The following GALNT17 variants were observed in gnomAD, a reference collection of about 807,000 sequenced individuals.
GALNT17 encodes the protein UDP-GalNAc:polypeptide N-acetylgalactosaminyltransferase-like 3.
In GALNT17, 29 loss-of-function variants were observed where a neutral mutation model predicts 63.7. That is an observed-to-expected ratio of 0.46 (90% CI 0.34 to 0.62). The LOEUF (loss-of-function observed/expected upper bound fraction) is 0.62, where lower values mean the gene tolerates loss of function less well. GALNT17 is among the 20% of genes least tolerant of loss of function. GALNT17 has a pLI of 0.01. For missense variants in GALNT17, 603 were observed against 799.6 expected, an observed-to-expected ratio of 0.75 and a Z score of 2.97; for synonymous variants, 305 against 318.3, an observed-to-expected ratio of 0.96 and a Z score of 0.45.
At chr7:71,406,838 C>CTTCAGCT (rs1316874192) in intron 3 of GALNT17, among the ~76,000 whole-genome samples, 3 of 151,760 alleles carry the variant, frequency 2.0e-5, no homozygotes, top group Non-Finnish European at 4.4e-5. Flanking sequence ...TGGGCTCCCA[C>CTTCAGCT]TTCAGCTTCC....
chr7:71,384,179 G>A (rs1262443308), intron 2 of GALNT17, among the ~76,000 whole-genome samples: 2 of 152,062 alleles, frequency 1.3e-5, no homozygotes, highest in Non-Finnish European at 2.9e-5. Context: ...TGGATGTGAC[G>A]TGGTATCTCA....
chr7:71,573,348 TGAGAAG>T, intron 6 of GALNT17, among the ~76,000 whole-genome samples: 1 of 151,768 alleles, frequency 6.6e-6, no homozygotes, highest in Non-Finnish European at 1.5e-5. Flanking sequence ...ATTTATTTTT[TGAGAAG>T]TAGTCTTGCT....
At chr7:71,651,809 T>A (rs1226555333) in intron 6 of GALNT17, among the ~76,000 whole-genome samples, 1 of 152,160 alleles carries the variant, frequency 6.6e-6, no homozygotes, top group Non-Finnish European at 1.5e-5. Flanking sequence ...TCCCCGGGGT[T>A]CAAGTGATCC....
chr7:71,602,631 G>A (rs1789982733), intron 6 of GALNT17, among the ~76,000 whole-genome samples: 1 of 152,190 alleles, frequency 6.6e-6, no homozygotes, highest in Non-Finnish European at 1.5e-5. Context: ...GGGATACACA[G>A]GGCCTGTAGC....
chr7:71,199,052 A>C (rs10260271), intron 1 of GALNT17, among the ~76,000 whole-genome samples: 8 of 152,014 alleles, frequency 5.3e-5, no homozygotes, highest in African/African-American at 1.9e-4. Flanking sequence ...GAGAACCTCT[A>C]TGTGGCCGCG....
chr7:71,477,469 T>G (rs1787743698), intron 5 of GALNT17, among the ~76,000 whole-genome samples: 2 of 152,184 alleles, frequency 1.3e-5, no homozygotes, highest in Non-Finnish European at 2.9e-5. Flanking sequence ...CTTCAGCAGT[T>G]GAGGAGACGC....
chr7:71,641,053 A>T (rs1790596246), intron 6 of GALNT17, among the ~76,000 whole-genome samples: 2 of 152,146 alleles, frequency 1.3e-5, no homozygotes, highest in African/African-American at 4.8e-5. Flanking sequence ...ATAGACATGG[A>T]TGTTTATCAG....
chr7:71,469,225 TA>T, intron 5 of GALNT17, among the ~76,000 whole-genome samples: 1 of 152,198 alleles, frequency 6.6e-6, no homozygotes, highest in East Asian at 1.9e-4. Flanking sequence ...AAGGGATAGG[TA>T]ATGGTGTAAA....
At chr7:71,375,250 C>T (rs1583900739) in intron 2 of GALNT17, among the ~76,000 whole-genome samples, 1 of 152,214 alleles carries the variant, frequency 6.6e-6, no homozygotes, top group African/African-American at 2.4e-5. Flanking sequence ...AGTAAAAACA[C>T]AAGCTTGCAG....
At chr7:71,309,973 GTTCTCGTGATAGCGAATAAGTCTC>G (rs1336458938) in intron 1 of GALNT17, among the ~76,000 whole-genome samples, 1 of 152,116 alleles carries the variant, frequency 6.6e-6, no homozygotes, top group Non-Finnish European at 1.5e-5. Context: ...TTCCCATGCT[GTTCTCGTGATAGCGAATAAGTCTC>G]ACAAGATCTG....
At chr7:71,449,043 A>C (rs146725503) in intron 5 of GALNT17, among the ~76,000 whole-genome samples, 1,557 of 146,786 alleles carry the variant, frequency 0.011, 15 homozygotes, top group Non-Finnish European at 0.016. Context: ...AAACTTGTGT[A>C]CTTCTCTATG....
rs547322883 is a variant in GALNT17, at chr7:71,387,288, T to G, written c.423-947T>G. Among the ~76,000 whole-genome samples the G allele has an allele frequency of 4.1e-5, 6 of 147,166 alleles. No individual in the cohort carries two copies. In the East Asian group the frequency reaches 7.0e-4, roughly 17 times the overall value. On this transcript the variant is annotated intron_variant, in intron 2 of 10. Transcript: ENST00000333538. ...GTAATGGCAAAACCCGCAATTACTTTTGCACCAACCTAATACATCAGTTCC... is the reference window on the plus strand; with the variant it reads ...GTAATGGCAAAACCCGCAATTACTTGTGCACCAACCTAATACATCAGTTCC...
At chr7:71,514,817 G>A (rs771137780) in intron 5 of GALNT17, among the ~76,000 whole-genome samples, 28 of 152,174 alleles carry the variant, frequency 1.8e-4, no homozygotes, top group Non-Finnish European at 2.8e-4. Flanking sequence ...CTGACCACCT[G>A]ATATGGTTTG....
At chr7:71,701,603 T>C (rs886825069) in intron 9 of GALNT17, among the ~76,000 whole-genome samples, 4 of 150,532 alleles carry the variant, frequency 2.7e-5, no homozygotes, top group African/African-American at 9.8e-5. Context: ...GAAAAAGGAG[T>C]CATCCTATCA....
At chr7:71,515,394 T>C (rs1788428662) in intron 5 of GALNT17, among the ~76,000 whole-genome samples, 2 of 152,208 alleles carry the variant, frequency 1.3e-5, no homozygotes, top group South Asian at 4.1e-4. Flanking sequence ...ATTACTAGTC[T>C]TGTACTGAAG....
At chr7:71,262,175 G>A (rs1184641772) in intron 1 of GALNT17, among the ~76,000 whole-genome samples, 2 of 152,086 alleles carry the variant, frequency 1.3e-5, no homozygotes, top group African/African-American at 4.8e-5. Flanking sequence ...GCAGTGGTGC[G>A]ATCATAGCTC....
intron 1 of GALNT17, among the ~76,000 whole-genome samples, chr7:71,307,188 T>C (rs1329530055): frequency 1.3e-5 from 2 of 152,112 alleles, no homozygotes; most frequent in Non-Finnish European, 2.9e-5. Flanking sequence ...GGTAATTCTA[T>C]GTTTAACTTT....
chr7:71,511,333 GT>G (rs1219695017), intron 5 of GALNT17, among the ~76,000 whole-genome samples: 1 of 152,242 alleles, frequency 6.6e-6, no homozygotes, highest in East Asian at 1.9e-4. Context: ...GGTAATAGGG[GT>G]TGAGGGGCAG....
At chr7:71,540,093 C>CTTTTTTTTTTTTTTT (rs71089954) in intron 5 of GALNT17, among the ~76,000 whole-genome samples, 2 of 33,524 alleles carry the variant, frequency 6.0e-5, no homozygotes, top group Non-Finnish European at 1.1e-4. Context: ...TGTGCCTGGC[C>CTTTTTTTTTTTTTTT]TTTTTTTTTT....
Sources: gnomAD v4.1 joint callset for allele counts (sites outside exome capture counted in the v4.1 genomes callset) on GRCh38, gnomAD v4.1.1 for gene constraint, MANE v1.5 for transcripts, NCBI Gene and HGNC (gene_info 2026-07-23, HGNC 2026-07-21) for gene names.